The following EYS variants were observed in gnomAD, a reference collection of about 807,000 sequenced individuals.
The protein encoded by EYS is EGF-like photoreceptor maintenance factor.
A neutral mutation model predicts 282.1 loss-of-function variants in EYS; 250 were observed. The ratio of observed to expected loss-of-function variants is 0.89; its 90% CI spans 0.80 to 0.98. The LOEUF (loss-of-function observed/expected upper bound fraction) is 0.98. Ranked by LOEUF, EYS falls within the 50% of genes least tolerant of loss-of-function variation. The pLI is 0.00. For synonymous variants in EYS, 1,355 were observed against 1,282.9 expected (o/e 1.06, Z -1.20); for missense variants, 4,016 against 3,709.0 (o/e 1.08, Z -2.15).
Position 64,599,075 on chromosome 6 carries a change from G to C in EYS, c.3685-5766C>G, listed in dbSNP as rs570466650. ...ATGTAGGTAGAAATGAGGTCACAGA[G>C]GTGATTAGAAACCAGATAATGTGGC... is the stretch of plus-strand genomic sequence containing the variant. On this transcript the variant is annotated intron_variant, in intron 24 of 42. Transcript: ENST00000503581. 7.9e-5 allele frequency among the ~76,000 whole-genome samples: 12 copies of C among 152,282 alleles called. No individual in the cohort carries two copies. The South Asian group carries it at 2.5e-3, about 32-fold the overall frequency.
chr6:63,727,737 A>AAAAATAT (rs1554164607), intron 41 of EYS, among the ~76,000 whole-genome samples: 1 of 36,734 alleles, frequency 2.7e-5, no homozygotes, highest in African/African-American at 2.7e-4. Flanking sequence ...AAAAAAAAAA[A>AAAAATAT]ATATATATAT....
At chr6:63,877,632 T>TC (rs1301102733) in intron 35 of EYS, among the ~76,000 whole-genome samples, 1 of 152,120 alleles carries the variant, frequency 6.6e-6, no homozygotes, top group African/African-American at 2.4e-5. Context: ...TTGTTTTTTT[T>TC]ACATAGCCCC....
rs529728370 is a variant in EYS at position 64,886,960 on chromosome 6, A to G, written c.2847-118T>C. 2.2e-5 allele frequency: 15 copies of G among 688,532 alleles called. No individual in the cohort carries two copies. In the South Asian group the frequency reaches 3.9e-4, roughly 18 times the overall value. The allele number at this position is 688,532 out of a possible 1,614,324, so 42.7% of individuals were successfully genotyped here. On this transcript the variant is annotated intron_variant, in intron 18 of 42. Coordinates refer to ENST00000503581, the MANE Select transcript of EYS (RefSeq NM_001142800.2). Reference sequence around the variant, plus strand: ...TCAACTTAATTGAAATAAATAATATATGTATTTCATTTTTTTCTTTGAAAA... The same window carrying G: ...TCAACTTAATTGAAATAAATAATATGTGTATTTCATTTTTTTCTTTGAAAA...
intron 12 of EYS, among the ~76,000 whole-genome samples, chr6:65,165,044 G>A (rs1384227783): frequency 6.6e-6 from 1 of 151,204 alleles, no homozygotes; most frequent in Admixed American, 6.6e-5. Context: ...AACTTTAGGG[G>A]TACACGGTTA....
At chr6:63,950,964 T>A (rs1165799727) in intron 35 of EYS, among the ~76,000 whole-genome samples, 1 of 152,156 alleles carries the variant, frequency 6.6e-6, no homozygotes, top group Non-Finnish European at 1.5e-5. Flanking sequence ...ACTGCGGGGA[T>A]GCCTGCTTGA....
At chr6:64,201,518 C>T (rs745583726) in intron 31 of EYS, among the ~76,000 whole-genome samples, 4 of 152,080 alleles carry the variant, frequency 2.6e-5, no homozygotes, top group Non-Finnish European at 1.5e-5. Flanking sequence ...TGCACTTTTG[C>T]TGTCTGAGAG....
At chr6:64,594,340 ATACGTGT>A (rs1766506912) in intron 24 of EYS, among the ~76,000 whole-genome samples, 1 of 152,172 alleles carries the variant, frequency 6.6e-6, no homozygotes, top group Non-Finnish European at 1.5e-5. Context: ...TGCAATAAAC[ATACGTGT>A]GCATGTGTCT....
At chr6:63,784,472 G>T (rs565433633) in intron 39 of EYS, among the ~76,000 whole-genome samples, 55 of 152,274 alleles carry the variant, frequency 3.6e-4, no homozygotes, top group African/African-American at 1.3e-3. Flanking sequence ...ATAAAGAAAA[G>T]AGATTTAATT....
At chr6:65,451,618 A>C (rs1224035982) in intron 5 of EYS, among the ~76,000 whole-genome samples, 2 of 152,034 alleles carry the variant, frequency 1.3e-5, no homozygotes, top group Non-Finnish European at 1.5e-5. Flanking sequence ...CATAACTTGG[A>C]TTTGTCATTA....
At chr6:64,081,474 AT>A (rs1361099067) in intron 32 of EYS, among the ~76,000 whole-genome samples, 1 of 152,212 alleles carries the variant, frequency 6.6e-6, no homozygotes, top group East Asian at 1.9e-4. Context: ...TGATTGTCAA[AT>A]GAACCCCAGC....
At chr6:63,898,941 A>G (rs1773599412) in intron 35 of EYS, among the ~76,000 whole-genome samples, 1 of 152,236 alleles carries the variant, frequency 6.6e-6, no homozygotes, top group South Asian at 2.1e-4. Context: ...AATGAAATGA[A>G]TAAACATGCA....
At chr6:65,216,170 T>G (rs1321926) in intron 12 of EYS, among the ~76,000 whole-genome samples, 148,814 of 152,100 alleles carry the variant, frequency 0.98, 72,873 homozygotes, top group East Asian at 1. Flanking sequence ...CAAAAGCAAA[T>G]ATTATATAAT....
intron 29 of EYS, among the ~76,000 whole-genome samples, chr6:64,326,782 A>G (rs1274416160): frequency 6.7e-6 from 1 of 150,004 alleles, no homozygotes; most frequent in African/African-American, 2.5e-5. Context: ...CCAACAGCAC[A>G]AATGGAACCA....
At chr6:64,006,399 G>C (rs1768348507) in intron 33 of EYS, among the ~76,000 whole-genome samples, 1 of 152,018 alleles carries the variant, frequency 6.6e-6, no homozygotes, top group Admixed American at 6.5e-5. Flanking sequence ...CAGAGACTAT[G>C]GTGTGTTCTA....
intron 12 of EYS, among the ~76,000 whole-genome samples, chr6:65,112,113 C>T (rs1010552021): frequency 1.3e-5 from 2 of 152,090 alleles, no homozygotes; most frequent in African/African-American, 4.8e-5. Context: ...TCATAGCATG[C>T]TTTCTCTGCA....
At chr6:65,547,838 A>G (rs1199672397) in intron 2 of EYS, among the ~76,000 whole-genome samples, 3 of 152,172 alleles carry the variant, frequency 2.0e-5, no homozygotes, top group African/African-American at 4.8e-5. Flanking sequence ...AAGGTCAAGA[A>G]ATCTTCCTAA....
At chr6:64,275,880 G>A (rs1768100573) in intron 30 of EYS, among the ~76,000 whole-genome samples, 2 of 151,704 alleles carry the variant, frequency 1.3e-5, no homozygotes, top group South Asian at 4.2e-4. Flanking sequence ...CAGGAGAATT[G>A]CTTGACTCCA....
chr6:64,920,760 T>C (rs182701556), intron 15 of EYS, among the ~76,000 whole-genome samples: 123 of 152,250 alleles, frequency 8.1e-4, no homozygotes, highest in Admixed American at 4.3e-3. Flanking sequence ...CCTACACATA[T>C]ATTTTTATTC....
At chr6:64,003,735 A>G (rs1768206129) in intron 33 of EYS, among the ~76,000 whole-genome samples, 1 of 152,140 alleles carries the variant, frequency 6.6e-6, no homozygotes, top group Non-Finnish European at 1.5e-5. Context: ...CATAATCCCC[A>G]CATGTCATGG....
Sources: allele counts gnomAD v4.1 joint callset (sites outside exome capture counted in the v4.1 genomes callset), GRCh38; gene constraint gnomAD v4.1.1; transcripts MANE v1.5; gene names NCBI Gene and HGNC (gene_info 2026-07-23, HGNC 2026-07-21).